Variants in CSMD1 observed in about 807,000 individuals in gnomAD.
CSMD1 encodes the protein CUB and sushi domain-containing protein 1.
A neutral mutation model predicts 417.5 loss-of-function variants in CSMD1; 213 were observed. The ratio of observed to expected loss-of-function variants is 0.51; its 90% CI spans 0.46 to 0.57. The LOEUF is 0.57. Among genes scored for constraint, CSMD1 ranks in the 20% least tolerant of loss-of-function variants. The pLI is 0.00. For synonymous variants in CSMD1, 2,862 were observed against 1,736.8 expected (o/e 1.65, Z -16.11); for missense variants, 6,923 against 4,529.7 (o/e 1.53, Z -15.17).
At chr8:3,432,916 T>A (rs1194264535) in intron 12 of CSMD1, among the ~76,000 whole-genome samples, 1 of 152,176 alleles carries the variant, frequency 6.6e-6, no homozygotes, top group Non-Finnish European at 1.5e-5. Context: ...CAGTTACATT[T>A]CTTCTAATCA....
intron 2 of CSMD1, among the ~76,000 whole-genome samples, chr8:4,558,151 T>C (rs936551916): frequency 6.6e-6 from 1 of 152,136 alleles, no homozygotes; most frequent in Non-Finnish European, 1.5e-5. Flanking sequence ...AAGAAGTTAA[T>C]CTGTGGGAAA....
intron 2 of CSMD1, among the ~76,000 whole-genome samples, chr8:4,457,720 C>G (rs1436253584): frequency 6.6e-6 from 1 of 152,110 alleles, no homozygotes; most frequent in Non-Finnish European, 1.5e-5. Context: ...CTTCCCGGTC[C>G]TTCATGTGCT....
At chr8:3,943,977 G>T (rs559152434) in intron 5 of CSMD1, among the ~76,000 whole-genome samples, 2 of 152,198 alleles carry the variant, frequency 1.3e-5, no homozygotes, top group Admixed American at 1.3e-4. Context: ...TGAAAATTAG[G>T]CAATGATATT....
intron 3 of CSMD1, among the ~76,000 whole-genome samples, chr8:4,217,375 A>T (rs1800747487): frequency 6.6e-6 from 1 of 152,188 alleles, no homozygotes; most frequent in Admixed American, 6.5e-5. Context: ...AATATTAGGG[A>T]ACTTCATTTC....
intron 2 of CSMD1, among the ~76,000 whole-genome samples, chr8:4,630,426 C>T (rs1434055987): frequency 6.6e-6 from 1 of 151,990 alleles, no homozygotes; most frequent in African/African-American, 2.4e-5. Context: ...TGGTCTTCTC[C>T]TTCTCTCTAG....
At chr8:4,659,886 C>A (rs1804478916) in intron 1 of CSMD1, among the ~76,000 whole-genome samples, 1 of 151,796 alleles carries the variant, frequency 6.6e-6, no homozygotes, top group Admixed American at 6.6e-5. Context: ...AAAATCATGT[C>A]CATCAGGGAA....
chr8:3,225,965 C>A (rs1179756083), intron 27 of CSMD1, among the ~76,000 whole-genome samples: 2 of 152,184 alleles, frequency 1.3e-5, no homozygotes, highest in Non-Finnish European at 2.9e-5. Context: ...ACCCACCAAC[C>A]CTTTTACAAA....
rs541867577 is a variant in CSMD1 at position 2,942,192 on chromosome 8, G to C, written c.10535+280C>G. Among the ~76,000 whole-genome samples the C allele has an allele frequency of 9.2e-5, 14 of 152,158 alleles. No homozygotes were observed. In the East Asian group the frequency reaches 2.7e-3, roughly 29 times the overall value. On this transcript the variant is annotated intron_variant, in intron 69 of 69. Transcript: ENST00000635120. ...GCCTGTGGGGGGCTGGAGGGAGGGA[G>C]AGCATCAAGAAGAACAGCTGATGGG... is the stretch of plus-strand genomic sequence containing the variant.
chr8:3,903,902 C>A (rs536932258), intron 5 of CSMD1, among the ~76,000 whole-genome samples: 1 of 152,192 alleles, frequency 6.6e-6, no homozygotes, highest in Non-Finnish European at 1.5e-5. Context: ...CCACAGGACA[C>A]GTGGCACACT....
intron 29 of CSMD1, among the ~76,000 whole-genome samples, chr8:3,218,726 G>T (rs1798028268): frequency 6.6e-6 from 1 of 151,808 alleles, no homozygotes; most frequent in South Asian, 2.1e-4. Context: ...ACAAAAATTA[G>T]CCGTGTATGG....
At chr8:4,576,499 A>G (rs961203644) in intron 2 of CSMD1, among the ~76,000 whole-genome samples, 6 of 152,282 alleles carry the variant, frequency 3.9e-5, no homozygotes, top group South Asian at 4.1e-4. Flanking sequence ...ACAGTTTCTA[A>G]TAAGTAACTC....
intron 1 of CSMD1, among the ~76,000 whole-genome samples, chr8:4,958,626 A>G (rs1414416445): frequency 6.6e-6 from 1 of 152,172 alleles, no homozygotes; most frequent in African/African-American, 2.4e-5. Context: ...AAGCTATTCA[A>G]GTATGGGATC....
chr8:4,147,157 A>C (rs1804187579), intron 3 of CSMD1, among the ~76,000 whole-genome samples: 2 of 148,196 alleles, frequency 1.3e-5, no homozygotes, highest in African/African-American at 2.5e-5. Context: ...TTCTTCTTCT[A>C]CTCTCCCCCC....
At chr8:4,898,355 T>C (rs561610902) in intron 1 of CSMD1, among the ~76,000 whole-genome samples, 1 of 151,602 alleles carries the variant, frequency 6.6e-6, no homozygotes, top group Non-Finnish European at 1.5e-5. Context: ...TTTGTTGCAA[T>C]TTCTGTGTCA....
At chr8:4,001,980 C>T (rs1317036406) in intron 4 of CSMD1, among the ~76,000 whole-genome samples, 1 of 152,008 alleles carries the variant, frequency 6.6e-6, no homozygotes, top group Non-Finnish European at 1.5e-5. Flanking sequence ...GAATGAGTTA[C>T]AGTTAGAATC....
At chr8:4,933,572 A>T (rs1807399081) in intron 1 of CSMD1, among the ~76,000 whole-genome samples, 1 of 152,216 alleles carries the variant, frequency 6.6e-6, no homozygotes, top group Non-Finnish European at 1.5e-5. Flanking sequence ...TACATACAAT[A>T]CTGGAAGTTT....
At chr8:4,137,212 T>C (rs1425429498) in intron 3 of CSMD1, among the ~76,000 whole-genome samples, 2 of 152,176 alleles carry the variant, frequency 1.3e-5, no homozygotes, top group African/African-American at 4.8e-5. Context: ...TGGAAACAGT[T>C]GCCTTTAATT....
intron 1 of CSMD1, among the ~76,000 whole-genome samples, chr8:4,883,398 A>G (rs1012927666): frequency 4.6e-5 from 7 of 152,082 alleles, no homozygotes; most frequent in African/African-American, 1.5e-4. Context: ...TTTTCAGTAT[A>G]TTGAAATGCA....
intron 3 of CSMD1, among the ~76,000 whole-genome samples, chr8:4,382,756 G>A (rs1258161732): frequency 3.9e-5 from 6 of 152,116 alleles, no homozygotes; most frequent in Non-Finnish European, 8.8e-5. Flanking sequence ...TAAACATTCT[G>A]TGTCTAAAAG....
Sources: allele counts gnomAD v4.1 joint callset (sites outside exome capture counted in the v4.1 genomes callset), GRCh38; gene constraint gnomAD v4.1.1; transcripts MANE v1.5; gene names NCBI Gene and HGNC (gene_info 2026-07-23, HGNC 2026-07-21).